Variants in AFDN observed in about 807,000 individuals in gnomAD.
AFDN encodes afadin, adherens junction formation factor, also known as afadin.
In AFDN, 68 loss-of-function variants were observed where a neutral mutation model predicts 216.6. The observed-to-expected ratio is 0.31, with a 90% CI of 0.26 to 0.38. The LOEUF (loss-of-function observed/expected upper bound fraction) is 0.38. Ranked by LOEUF, AFDN falls within the 10% of genes least tolerant of loss-of-function variation. The probability of loss-of-function intolerance (pLI) is 1.00; values close to 1 mark genes in which losing one functional copy is unlikely to be tolerated. For synonymous variants in AFDN, 868 were observed against 853.7 expected (o/e 1.02, Z -0.29); for missense variants, 2,136 against 2,342.0 (o/e 0.91, Z 1.82).
At chr6:167,922,369 T>G (rs1176292486) in intron 21 of AFDN, among the ~76,000 whole-genome samples, 7 of 152,212 alleles carry the variant, frequency 4.6e-5, no homozygotes, top group Non-Finnish European at 1.0e-4. Context: ...TGAGGAGGAC[T>G]CCTAGAATTG....
intron 20 of AFDN, 122 bp from the exon 21 acceptor site, chr6:167,918,613 T>C: frequency 1.2e-6 from 1 of 856,962 alleles, no homozygotes; most frequent in Non-Finnish European, 1.9e-6. Context: ...TCTGTCTGTG[T>C]GTGTGTGTGT....
rs776227563 is a variant in AFDN at position 167,951,887 on chromosome 6, G to C, written c.4533G>C (p.Glu1511Asp). The C allele has an allele frequency of 1.9e-5, 30 of 1,613,870 alleles. No individual in the cohort carries two copies. The highest frequency in any genetic ancestry group is 2.3e-5 in the Non-Finnish European group (27 of 1,179,996). Residue 1511 changes from glutamate to aspartate, a missense_variant, in exon 30 of 34, where the codon GAG becomes GAC. By Grantham distance (45) the Glu-to-Asp change is conservative. Around this residue, in one of 8 missense-constraint regions of AFDN, gnomAD observed 981 missense variants for 966.0 expected, o/e 1.02. Transcript: ENST00000683244. The surrounding 1 kb of genome is among the most constrained non-coding windows in gnomAD (Gnocchi z 7.1). ...DLQYITVSKE[E>D]LSSGDSLSPD... ...AGTACATTACAGTCAGCAAAGAGGA[G>C]CTTTCCTCGGGGGACAGTCTGTCCC...
At chr6:167,937,014 T>C (rs1794090359) in intron 23 of AFDN, among the ~76,000 whole-genome samples, 1 of 152,166 alleles carries the variant, frequency 6.6e-6, no homozygotes, top group Admixed American at 6.5e-5. Context: ...TTTATGACTG[T>C]GAGCTGCACC....
intron 26 of AFDN, 104 bp downstream of exon 26, chr6:167,944,163 T>A: frequency 2.3e-6 from 2 of 867,044 alleles, no homozygotes; most frequent in Non-Finnish European, 3.6e-6. Flanking sequence ...GCCCCAGTTT[T>A]AAAGAGAAAG....
chr6:167,869,918 C>G (rs1784610255), intron 2 of AFDN, among the ~76,000 whole-genome samples: 1 of 152,198 alleles, frequency 6.6e-6, no homozygotes. Context: ...GTGCAGTCAT[C>G]ACTTCCAAGA....
intron 29 of AFDN, among the ~76,000 whole-genome samples, chr6:167,950,398 C>CTGTGTGTGTGTGTG (rs3839648): frequency 6.7e-6 from 1 of 148,814 alleles, no homozygotes; most frequent in South Asian, 2.2e-4. Flanking sequence ...TTCTCTGTGT[C>CTGTGTGTGTGTGTG]TGTGTGTGTG....
In AFDN at chr6:167,914,647, C is replaced by T. The variant is rs1790813837; in HGVS notation, c.2208C>T (p.Tyr736=). Residue 736 remains tyrosine (Y), a synonymous_variant, in exon 18 of 34, where the codon TAC becomes TAT. Coordinates refer to ENST00000683244, the MANE Select transcript of AFDN (RefSeq NM_001386888.1). ...TAAATTGTCTATGTATTTTCAGATA[C>T]TTGGTTCACTGTCTTCAATCAGAAC... ...LAHLVQMAFK[Y]LVHCLQSELN... 6.2e-7 allele frequency: 1 copy of T among 1,603,280 alleles called. No individual in the cohort carries two copies. Among genetic ancestry groups the T allele is most frequent in the South Asian group, 1.1e-5 (1 of 90,822 alleles).
At chr6:167,865,106 A>ATATTG (rs67652536) in intron 2 of AFDN, among the ~76,000 whole-genome samples, 1 of 1,582 alleles carries the variant, frequency 6.3e-4, no homozygotes, top group Non-Finnish European at 2.3e-3. Flanking sequence ...AGAGATTATA[A>ATATTG]TAATTGTAAC....
At chr6:167,964,207 T>C (rs1303853880) in intron 31 of AFDN, 1 of 1,063,752 alleles carries the variant, frequency 9.4e-7, no homozygotes, top group East Asian at 5.1e-5. Context: ...CCTATTTTTA[T>C]ATCAGAATGT....
chr6:167,946,663 T>A (rs1795300312), intron 26 of AFDN, 44 bp from the exon 27 acceptor site: 1 of 1,550,794 alleles, frequency 6.4e-7, no homozygotes, highest in Admixed American at 1.7e-5. Flanking sequence ...ATCAGGGTGT[T>A]GAAAATAAAA....
In AFDN at chr6:167,915,118, C is replaced by A. The variant is rs200261327; in HGVS notation, c.2300-50C>A. 27 of 1,594,716 alleles carry A rather than the reference C, an allele frequency of 1.7e-5. No individual in the cohort carries two copies. The Admixed American group carries it at 1.9e-4, about 11-fold the overall frequency. ...AAATCTGCTGCACATTCAAAGGCTTCTTCCTGGATGACATTTTGCTCCTCT... is the reference window on the plus strand; with the variant it reads ...AAATCTGCTGCACATTCAAAGGCTTATTCCTGGATGACATTTTGCTCCTCT... On this transcript the variant is annotated intron_variant, in intron 18 of 33. Coordinates refer to ENST00000683244, the MANE Select transcript of AFDN (RefSeq NM_001386888.1).
chr6:167,943,006 C>A, intron 23 of AFDN, 123 bp from the exon 24 acceptor site: 1 of 628,518 alleles, frequency 1.6e-6, no homozygotes, highest in East Asian at 2.9e-5. Context: ...AAATGAGAAC[C>A]AGGACTTTGT....
chr6:167,927,619 T>G lies in AFDN; in HGVS notation c.3099+2528T>G, dbSNP rs148094500. Among the ~76,000 whole-genome samples the G allele has an allele frequency of 7.0e-3, 1,070 of 152,228 alleles. 15 individuals are homozygous for G. The highest frequency in any genetic ancestry group is 0.025 in the African/African-American group (1,018 of 41,516). On this transcript the variant is annotated intron_variant, in intron 23 of 33. Transcript: ENST00000683244. ...TTCGTCAGAGGAACCTGAACCCTTT[T>G]AGCGTATGGGTTGAAGGTGATGCGT...
chr6:167,969,835 A>G lies in AFDN; in HGVS notation c.5396A>G (p.Lys1799Arg). The G allele has an allele frequency of 1.2e-6, 2 of 1,613,008 alleles. No individual in the cohort carries two copies. Among genetic ancestry groups the G allele is most frequent in the Non-Finnish European group, 1.7e-6 (2 of 1,179,700 alleles). Residue 1799 changes from lysine to arginine, a missense_variant, in exon 34 of 34, where the codon AAG becomes AGG. By Grantham distance (26) the Lys-to-Arg change is conservative. Around this residue, in one of 8 missense-constraint regions of AFDN, gnomAD observed 981 missense variants for 966.0 expected, o/e 1.02. Coordinates refer to ENST00000683244, the MANE Select transcript of AFDN (RefSeq NM_001386888.1). ...SSGAPENLTFKERQRLFSQGQ... is the reference protein window; with the variant it reads ...SSGAPENLTFRERQRLFSQGQ... ...GGGGCCCCTGAAAACTTGACATTCA[A>G]GGAACGCCAGCGTCTTTTTTCACAA...
chr6:167,913,155 T>C (rs1479081800), intron 15 of AFDN, among the ~76,000 whole-genome samples: 1 of 152,214 alleles, frequency 6.6e-6, no homozygotes, highest in Non-Finnish European at 1.5e-5. Flanking sequence ...TATTTATTGA[T>C]AAACTCTAAA....
chr6:167,971,524 A>G lies in AFDN; in HGVS notation c.*1589A>G, dbSNP rs1461851978. ...AGTGAATGGTTCTGAGTGTTTAGGAAGGATTTGCTTGCTTGCAGCAGAAGT... is the reference window on the plus strand; with the variant it reads ...AGTGAATGGTTCTGAGTGTTTAGGAGGGATTTGCTTGCTTGCAGCAGAAGT... On this transcript the variant is annotated 3_prime_UTR_variant, in exon 34 of 34. Transcript: ENST00000683244. 1 of 195,494 alleles carries G rather than the reference A, an allele frequency of 5.1e-6. No individual in the cohort carries two copies. Among genetic ancestry groups the G allele is most frequent in the Non-Finnish European group, 1.1e-5 (1 of 94,396 alleles). The allele number at this position is 195,494 out of a possible 1,614,324, so 12.1% of individuals were successfully genotyped here. A position where few individuals can be genotyped will look rare whatever the true frequency, so the allele number is the denominator to read the frequency against.
intron 1 of AFDN, among the ~76,000 whole-genome samples, chr6:167,838,846 A>G (rs953345532): frequency 2.0e-5 from 3 of 152,220 alleles, no homozygotes; most frequent in Non-Finnish European, 4.4e-5. Flanking sequence ...ATTTGATTTT[A>G]AGAACCACAT....
intron 1 of AFDN, among the ~76,000 whole-genome samples, chr6:167,855,309 G>T (rs1293473260): frequency 6.6e-6 from 1 of 152,064 alleles, no homozygotes. Flanking sequence ...GTTGAAATGA[G>T]CCAAGTTGTC....
chr6:167,864,318 ACAGC>A, intron 1 of AFDN: 1 of 723,530 alleles, frequency 1.4e-6, no homozygotes, highest in Non-Finnish European at 2.6e-6. Flanking sequence ...CATCTATTTG[ACAGC>A]CATTATTTCA....
Sources: gnomAD v4.1 joint callset for allele counts (sites outside exome capture counted in the v4.1 genomes callset) on GRCh38, gnomAD v4.1.1 for gene constraint, gnomAD v4.1.1 regional missense constraint, Gnocchi (gnomAD v3.1) non-coding constraint, MANE v1.5 for transcripts, NCBI Gene and HGNC (gene_info 2026-07-23, HGNC 2026-07-21) for gene names.